The following WIPI2 variants were observed in gnomAD, a reference collection of about 807,000 sequenced individuals.
The protein encoded by WIPI2 is WD repeat domain, phosphoinositide interacting 2.
In WIPI2, 28 loss-of-function variants were observed where a neutral mutation model predicts 52.3. The ratio of observed to expected loss-of-function variants is 0.54; its 90% CI spans 0.40 to 0.73. WIPI2 has a LOEUF of 0.73. Among genes scored for constraint, WIPI2 ranks in the 30% least tolerant of loss-of-function variants. WIPI2 has a pLI of 0.00. For synonymous variants in WIPI2, 268 were observed against 245.0 expected (o/e 1.09, Z -0.88); for missense variants, 506 against 602.9 (o/e 0.84, Z 1.68).
chr7:5,201,901 T>C (rs1423793445), intron 3 of WIPI2, among the ~76,000 whole-genome samples: 1 of 152,234 alleles, frequency 6.6e-6, no homozygotes, highest in African/African-American at 2.4e-5. Context: ...ACTGATCTAT[T>C]ACATTGTTCT....
chr7:5,201,151 G>C (rs1782010127), intron 3 of WIPI2, among the ~76,000 whole-genome samples: 1 of 152,246 alleles, frequency 6.6e-6, no homozygotes, highest in Non-Finnish European at 1.5e-5. Flanking sequence ...CCCCACAGTG[G>C]TTTCTGCAGT....
intron 7 of WIPI2, 63 bp downstream of exon 7, chr7:5,218,077 G>A (rs985644578): frequency 2.6e-6 from 4 of 1,553,254 alleles, no homozygotes; most frequent in Non-Finnish European, 3.6e-6. Flanking sequence ...TTTCAGTTCT[G>A]TTCACACAGC....
chr7:5,214,365 A>G, intron 3 of WIPI2, 170 bp from the exon 4 acceptor site: 1 of 1,591,684 alleles, frequency 6.3e-7, no homozygotes, highest in Non-Finnish European at 8.5e-7. Context: ...GCGAATCAAG[A>G]CCCTCAGACC....
chr7:5,190,556 G>C, intron 1 of WIPI2, 63 bp downstream of exon 1: 1 of 1,355,492 alleles, frequency 7.4e-7, no homozygotes, highest in Non-Finnish European at 9.6e-7. Context: ...GCTAGGGGGA[G>C]GGCCTCGCTG....
intron 2 of WIPI2, among the ~76,000 whole-genome samples, chr7:5,197,514 C>G (rs1781810238): frequency 6.6e-6 from 1 of 152,050 alleles, no homozygotes; most frequent in Non-Finnish European, 1.5e-5. Flanking sequence ...GTAACTAATT[C>G]AGTATAGTAA....
At position 5,222,578 on chromosome 7, in the gene WIPI2, TTCTTTTC is replaced by T; in HGVS notation, c.670-16_670-10del. ...TCCTGTTTTAACTCAGCTCAAATTC[TTCTTTTC>T]TCTTTTCCTTCCACAGGGGACCGTG... is the stretch of plus-strand genomic sequence containing the variant. On this transcript the variant is annotated splice_polypyrimidine_tract_variant and intron_variant, in intron 7 of 12. Coordinates refer to ENST00000288828, the MANE Select transcript of WIPI2 (RefSeq NM_015610.4). 6.2e-7 allele frequency: 1 copy of T among 1,609,692 alleles called. No individual in the cohort carries two copies. The highest frequency in any genetic ancestry group is 8.5e-7 in the Non-Finnish European group (1 of 1,176,204).
chr7:5,205,838 G>T (rs1374212809), intron 3 of WIPI2, among the ~76,000 whole-genome samples: 1 of 148,918 alleles, frequency 6.7e-6, no homozygotes, highest in Non-Finnish European at 1.5e-5. Context: ...AACTCAAACT[G>T]AGTTCTTTTT....
intron 1 of WIPI2, 70 bp downstream of exon 1, chr7:5,190,563 G>A: frequency 2.3e-6 from 3 of 1,320,876 alleles, no homozygotes; most frequent in Non-Finnish European, 2.9e-6. Context: ...GGAGGGCCTC[G>A]CTGCCAAGCT....
In WIPI2 at chr7:5,199,725, C is replaced by T. The variant is rs527392506; in HGVS notation, c.211+67C>T. The stretch of plus-strand genomic sequence containing the variant: ...AAAAAGTTGTACTTGAATTGGAATG[C>T]GATCTAAAATTCAGACGCTGTGGTT... On this transcript the variant is annotated intron_variant, in intron 3 of 12. Coordinates refer to ENST00000288828, the MANE Select transcript of WIPI2 (RefSeq NM_015610.4). 9.6e-5 allele frequency: 139 copies of T among 1,450,866 alleles called. 1 individual carries two copies. The Middle Eastern group carries it at 2.0e-3, about 21-fold the overall frequency. The allele number at this position is 1,450,866 out of a possible 1,614,324, so 89.9% of individuals were successfully genotyped here. A position where few individuals can be genotyped will look rare whatever the true frequency, so the allele number is the denominator to read the frequency against.
At chr7:5,192,639 G>A (rs1781536756) in intron 1 of WIPI2, among the ~76,000 whole-genome samples, 1 of 152,184 alleles carries the variant, frequency 6.6e-6, no homozygotes, top group Non-Finnish European at 1.5e-5. Flanking sequence ...AGACCTTGAT[G>A]TAGTGTAAAC....
At position 5,227,383 on chromosome 7, in the gene WIPI2, C is replaced by A. The variant is rs755625785; in HGVS notation, c.1013+39C>A. ...GCGCCTCCGTCCCCCACCCCGTGTG[C>A]CTCAGGCCGAGGGGCCCAGTCCTGG... On this transcript the variant is annotated intron_variant, in intron 10 of 12. Coordinates refer to ENST00000288828, the MANE Select transcript of WIPI2 (RefSeq NM_015610.4). This position sits in a 1 kb window ranked among gnomAD's most constrained non-coding sequence, Gnocchi z 8.1. The A allele has an allele frequency of 1.2e-6, 2 of 1,602,724 alleles. No homozygotes were observed. Among genetic ancestry groups the A allele is most frequent in the East Asian group, 4.5e-5 (2 of 44,818 alleles).
intron 12 of WIPI2, 48 bp downstream of exon 12, chr7:5,229,786 G>T (rs552798257): frequency 6.2e-7 from 1 of 1,607,860 alleles, no homozygotes; most frequent in East Asian, 2.2e-5. Flanking sequence ...CCACAGCCCC[G>T]AGTGCTACTG....
At chr7:5,228,593 C>T (rs1043209409) in intron 11 of WIPI2, among the ~76,000 whole-genome samples, 1 of 152,210 alleles carries the variant, frequency 6.6e-6, no homozygotes, top group Non-Finnish European at 1.5e-5. Flanking sequence ...ATTCAGTGCA[C>T]GTGGCTGAGA....
chr7:5,206,532 A>C (rs1300612991), intron 3 of WIPI2, among the ~76,000 whole-genome samples: 1 of 152,196 alleles, frequency 6.6e-6, no homozygotes, highest in Non-Finnish European at 1.5e-5. Flanking sequence ...TCTCATTAAC[A>C]TTTTAGAAAA....
Position 5,226,139 on chromosome 7 carries a change from G to C in WIPI2, c.848+209G>C, listed in dbSNP as rs1783419206. On this transcript the variant is annotated intron_variant, in intron 9 of 12. Transcript: ENST00000288828. ...AGCAGATGAGCTTCTCCCACAGGCA[G>C]CACGCAGGGTAGACAGAGCCCTCGC... 7.0e-6 allele frequency: 4 copies of C among 575,444 alleles called. No individual in the cohort carries two copies. In the Admixed American group the frequency reaches 1.1e-4, roughly 16 times the overall value. The allele number at this position is 575,444 out of a possible 1,614,324, so 35.6% of individuals were successfully genotyped here.
rs2115329018 is a variant in WIPI2, at chr7:5,230,615, A to AT, written c.1253-216dup. ...AGCCTCTGTTTACTGTGCAGGCATC[A>AT]TTTTGACATTTATGAATGTCAGAGA... On this transcript the variant is annotated intron_variant, in intron 12 of 12. Coordinates refer to ENST00000288828, the MANE Select transcript of WIPI2 (RefSeq NM_015610.4). The surrounding 1 kb of genome is among the most constrained non-coding windows in gnomAD (Gnocchi z 4.8). 6.6e-6 allele frequency among the ~76,000 whole-genome samples: 1 copy of AT among 152,350 alleles called. No homozygotes were observed. Among genetic ancestry groups the AT allele is most frequent in the South Asian group, 2.1e-4 (1 of 4,824 alleles).
At chr7:5,225,436 C>T (rs1583590304) in intron 8 of WIPI2, among the ~76,000 whole-genome samples, 1 of 152,162 alleles carries the variant, frequency 6.6e-6, no homozygotes, top group Admixed American at 6.5e-5. Flanking sequence ...CCACCGTGCC[C>T]GGCCCTTTGC....
intron 6 of WIPI2, 158 bp downstream of exon 6, chr7:5,217,345 C>T: frequency 1.3e-6 from 1 of 774,678 alleles, no homozygotes; most frequent in South Asian, 1.6e-5. Flanking sequence ...GGCTCTGTCG[C>T]CCATGCTGGA....
At chr7:5,202,665 C>T (rs1375664712) in intron 3 of WIPI2, among the ~76,000 whole-genome samples, 3 of 152,296 alleles carry the variant, frequency 2.0e-5, no homozygotes, top group South Asian at 2.1e-4. Context: ...GGATTATAGG[C>T]GTGAGCCACT....
Sources: allele counts gnomAD v4.1 joint callset (sites outside exome capture counted in the v4.1 genomes callset), GRCh38; gene constraint gnomAD v4.1.1; non-coding constraint Gnocchi (gnomAD v3.1); transcripts MANE v1.5; gene names NCBI Gene and HGNC (gene_info 2026-07-23, HGNC 2026-07-21).